RIC1: variants seen among roughly 807,000 people sequenced by gnomAD.
RIC1 encodes guanine nucleotide exchange factor subunit RIC1.
In RIC1, 88 loss-of-function variants were observed where a neutral mutation model predicts 169.0. The observed-to-expected ratio is 0.52, with a 90% CI of 0.44 to 0.62. RIC1 has a LOEUF of 0.62. Ranked by LOEUF, RIC1 falls within the 20% of genes least tolerant of loss-of-function variation. RIC1 has a pLI of 0.00. For missense variants in RIC1, 1,877 were observed against 1,725.5 expected (o/e 1.09, Z -1.56); for synonymous variants, 790 against 601.5 (o/e 1.31, Z -4.59).
At chr9:5,642,928 G>A (rs1392460200) in intron 1 of RIC1, among the ~76,000 whole-genome samples, 1 of 152,066 alleles carries the variant, frequency 6.6e-6, no homozygotes, top group East Asian at 1.9e-4. Context: ...CAAAATAAAT[G>A]AATTTATACT....
intron 2 of RIC1, among the ~76,000 whole-genome samples, chr9:5,665,086 T>C (rs10975222): frequency 0.31 from 47,645 of 151,940 alleles, 8,303 homozygotes; most frequent in East Asian, 0.59. Flanking sequence ...TTTGTGAATC[T>C]GGGTGTTCCT....
At position 5,632,591 on chromosome 9, in the gene RIC1, TA is replaced by T. The variant is rs369708030; in HGVS notation, c.144+3145del. 4.1e-3 allele frequency among the ~76,000 whole-genome samples: 626 copies of T among 152,166 alleles called. 3 individuals carry two copies. The highest frequency in any genetic ancestry group is 0.014 in the African/African-American group (589 of 41,510). The stretch of plus-strand genomic sequence containing the variant: ...TATTTTGGAGCCCCCCAAATGGTGT[TA>T]AAAAAAGGCTCAGTATGTGTAGGCT... On this transcript the variant is annotated intron_variant, in intron 1 of 25. Transcript: ENST00000414202.
chr9:5,772,727 C>G lies in RIC1; in HGVS notation c.3780C>G (p.Ser1260=), dbSNP rs765026662. The change falls in exon 24 of 26, where the codon TCC becomes TCG. Residue 1260 remains serine, a synonymous_variant. Transcript: ENST00000414202. The part of the protein sequence containing the change: ...MELASKGPHK[S]QVQLRYLLHI... The stretch of plus-strand genomic sequence containing the variant: ...TGGCCAGTAAAGGGCCTCATAAATC[C>G]CAGGTCCAGCTTCGGTGAGTTTCTT... 15 of 1,606,468 alleles carry G rather than the reference C, an allele frequency of 9.3e-6. No individual in the cohort carries two copies. The highest frequency in any genetic ancestry group is 1.2e-5 in the Non-Finnish European group (14 of 1,177,510).
intron 3 of RIC1, among the ~76,000 whole-genome samples, chr9:5,696,428 T>G (rs1035808653): frequency 6.6e-6 from 1 of 152,126 alleles, no homozygotes; most frequent in Non-Finnish European, 1.5e-5. Flanking sequence ...TGTAAGAAAT[T>G]TATCTGAGTT....
chr9:5,671,132 A>G (rs1336218327), intron 2 of RIC1, among the ~76,000 whole-genome samples: 1 of 152,208 alleles, frequency 6.6e-6, no homozygotes, highest in Non-Finnish European at 1.5e-5. Context: ...TTACATTTAC[A>G]CTTTAGCAGA....
intron 3 of RIC1, among the ~76,000 whole-genome samples, chr9:5,693,553 A>G (rs1163895315): frequency 6.6e-6 from 1 of 152,106 alleles, no homozygotes; most frequent in Non-Finnish European, 1.5e-5. Context: ...TTATCTCTTC[A>G]TATTAGTTAC....
intron 3 of RIC1, among the ~76,000 whole-genome samples, chr9:5,692,962 C>G (rs141903435): frequency 2.6e-5 from 4 of 152,026 alleles, no homozygotes; most frequent in African/African-American, 4.8e-5. Flanking sequence ...TAGTCACACG[C>G]GAATAAGTTG....
chr9:5,711,548 G>C (rs933883485), intron 3 of RIC1, among the ~76,000 whole-genome samples: 1 of 150,328 alleles, frequency 6.7e-6, no homozygotes, highest in South Asian at 2.1e-4. Context: ...TTTTTTGTTT[G>C]TTTTCCTTTT....
chr9:5,725,936 T>C (rs1257973296), intron 6 of RIC1, among the ~76,000 whole-genome samples: 2 of 152,214 alleles, frequency 1.3e-5, no homozygotes, highest in Non-Finnish European at 2.9e-5. Context: ...TTGGTTATAA[T>C]TTCTGGTTTT....
rs769270863 is a variant in RIC1 at position 5,656,614 on chromosome 9, C to A, written c.176C>A (p.Pro59His). The A allele has an allele frequency of 6.2e-7, 1 of 1,605,762 alleles. No individual in the cohort carries two copies. The highest frequency in any genetic ancestry group is 8.5e-7 in the Non-Finnish European group (1 of 1,175,342). Residue 59 changes from proline to histidine, a missense_variant, in exon 2 of 26, where the codon CCT becomes CAT. By Grantham distance (77) the Pro-to-His change is moderately conservative. Transcript: ENST00000414202. ...PSVLIVTYKE[P>H]AKSSTQFGSY... Reference sequence around the variant, plus strand: ...GTGTTAATTGTAACCTACAAGGAGCCTGCAAAATCATCTACTCAGTTTGGA... The same window carrying A: ...GTGTTAATTGTAACCTACAAGGAGCATGCAAAATCATCTACTCAGTTTGGA...
chr9:5,761,153 AC>A (rs1424702949), intron 17 of RIC1, among the ~76,000 whole-genome samples: 7 of 117,906 alleles, frequency 5.9e-5, no homozygotes, highest in African/African-American at 2.4e-4. Context: ...TTGCTCTGTC[AC>A]CCAGGCTAGA....
chr9:5,747,363 C>G lies in RIC1; in HGVS notation c.1310C>G (p.Ala437Gly), dbSNP rs149463014. 1.2e-6 allele frequency: 2 copies of G among 1,613,950 alleles called. No homozygotes were observed. Among genetic ancestry groups the G allele is most frequent in the Admixed American group, 1.7e-5 (1 of 59,990 alleles). ...CGCTTGTACTTGAACTGTGGAGAGG[C>G]TTCACAAACCCAGAATCCCAGGAGT... ...EDRLYLNCGE[A>G]SQTQNPRSSS... The change falls in exon 12 of 26, where the codon GCT becomes GGT. Residue 437 changes from alanine to glycine, a missense_variant. This residue lies in a region of RIC1 where 1,104 missense variants were observed against 992.0 expected (regional missense o/e 1.11). Coordinates refer to ENST00000414202, the MANE Select transcript of RIC1 (RefSeq NM_020829.4).
At chr9:5,650,681 G>T (rs995689690) in intron 1 of RIC1, among the ~76,000 whole-genome samples, 1 of 152,038 alleles carries the variant, frequency 6.6e-6, no homozygotes, top group South Asian at 2.1e-4. Context: ...TGGAGATGGG[G>T]TTACTGTCAG....
At chr9:5,681,668 G>A (rs1490221463) in intron 2 of RIC1, among the ~76,000 whole-genome samples, 2 of 152,174 alleles carry the variant, frequency 1.3e-5, no homozygotes, top group African/African-American at 2.4e-5. Flanking sequence ...TCTGCTTGGT[G>A]CAGTGCTGAG....
intron 1 of RIC1, among the ~76,000 whole-genome samples, chr9:5,655,247 T>G (rs1183078445): frequency 6.6e-6 from 1 of 152,126 alleles, no homozygotes; most frequent in Non-Finnish European, 1.5e-5. Flanking sequence ...CCCGAGAGGT[T>G]TTTTTAAAAT....
chr9:5,738,169 T>C (rs1048726502), intron 7 of RIC1, among the ~76,000 whole-genome samples: 2 of 152,224 alleles, frequency 1.3e-5, no homozygotes, highest in Admixed American at 6.5e-5. Flanking sequence ...CTCATGTTGC[T>C]AGATAGGCTA....
At chr9:5,656,993 T>C (rs1037915634) in intron 2 of RIC1, among the ~76,000 whole-genome samples, 2 of 152,064 alleles carry the variant, frequency 1.3e-5, no homozygotes, top group African/African-American at 4.8e-5. Flanking sequence ...AATTATTCTG[T>C]GCGTGTTACT....
intron 3 of RIC1, among the ~76,000 whole-genome samples, chr9:5,711,010 C>T (rs1822897958): frequency 6.6e-6 from 1 of 152,096 alleles, no homozygotes; most frequent in Admixed American, 6.6e-5. Flanking sequence ...GGAAACAAAA[C>T]ATGTAAATTT....
At position 5,769,160 on chromosome 9, in the gene RIC1, G is replaced by C; in HGVS notation, c.3328G>C (p.Ala1110Pro). The C allele has an allele frequency of 1.9e-6, 3 of 1,614,058 alleles. No individual in the cohort carries two copies. Among genetic ancestry groups the C allele is most frequent in the Non-Finnish European group, 2.5e-6 (3 of 1,179,994 alleles). Residue 1110 changes from alanine (A) to proline (P), a missense_variant, in exon 22 of 26, where the codon GCC becomes CCC. Transcript: ENST00000414202. ...CGCCCGGGTAGACAACTTTGTAATA[G>C]CCCTGAAGAGACTCCACAAAGATTT... is the stretch of plus-strand genomic sequence containing the variant. ...RAARVDNFVI[A>P]LKRLHKDFLW... is the part of the protein sequence containing the mutation.
Sources: gnomAD v4.1 joint callset for allele counts (sites outside exome capture counted in the v4.1 genomes callset) on GRCh38, gnomAD v4.1.1 for gene constraint, gnomAD v4.1.1 regional missense constraint, MANE v1.5 for transcripts, NCBI Gene and HGNC (gene_info 2026-07-23, HGNC 2026-07-21) for gene names.